Variants in ELAC2 observed in about 807,000 individuals in gnomAD.
ELAC2 encodes elaC ribonuclease Z 2, also known as zinc phosphodiesterase ELAC protein 2.
Under a neutral mutation model 105.2 loss-of-function variants are expected in ELAC2, and 92 were observed. The observed-to-expected ratio is 0.87, with a 90% confidence interval of 0.74 to 1.04. The LOEUF (loss-of-function observed/expected upper bound fraction) is 1.04, where lower values mean the gene tolerates loss of function less well. Ranked by LOEUF, ELAC2 falls within the 50% of genes least tolerant of loss-of-function variation. The pLI is 0.00. For synonymous variants in ELAC2, 468 were observed against 409.1 expected (o/e 1.14, Z -1.74); for missense variants, 1,099 against 1,071.7 (o/e 1.03, Z -0.36).
In ELAC2 at chr17:12,991,991, C is replaced by CAA. The variant is rs1031878596; in HGVS notation, c.*825_*826dup. 3.3e-5 allele frequency among the ~76,000 whole-genome samples: 5 copies of CAA among 152,176 alleles called. No individual in the cohort carries two copies. The highest frequency in any genetic ancestry group is 1.2e-4 in the African/African-American group (5 of 41,438). The stretch of plus-strand genomic sequence containing the variant: ...TGCCATTTCTCAAAACCTTCGAGGG[C>CAA]AAAGTGATCCTCACTCCTCTCAGTA... On this transcript the variant is annotated 3_prime_UTR_variant, in exon 24 of 24. Coordinates refer to ENST00000338034, the MANE Select transcript of ELAC2 (RefSeq NM_018127.7).
At position 12,996,685 on chromosome 17, in the gene ELAC2, G is replaced by A. The variant is rs772549996; in HGVS notation, c.1521C>T (p.Ser507=). 5.6e-6 allele frequency: 9 copies of A among 1,613,158 alleles called. No homozygotes were observed. Among genetic ancestry groups the A allele is most frequent in the Middle Eastern group, 1.7e-4 (1 of 6,048 alleles). Reference sequence around the variant, plus strand: ...AGTCCAGTAGCAGAGACGTGTCGGGGCTGCAGAAGAGAAGAGGAAGAGAGT... The same window carrying A: ...AGTCCAGTAGCAGAGACGTGTCGGGACTGCAGAAGAGAAGAGGAAGAGAGT... The part of the protein sequence containing the change: ...RNVSATLVNI[S]PDTSLLLDCG... The change falls in exon 17 of 24, where the codon AGC becomes AGT. Residue 507 remains serine (S), a splice_region_variant and synonymous_variant. Coordinates refer to ENST00000338034, the MANE Select transcript of ELAC2 (RefSeq NM_018127.7).
rs113800726 is a variant in ELAC2 at position 12,992,689 on chromosome 17, A to G, written c.*129T>C. On this transcript the variant is annotated 3_prime_UTR_variant, in exon 24 of 24. Coordinates refer to ENST00000338034, the MANE Select transcript of ELAC2 (RefSeq NM_018127.7). ...GGAGCCCAAGCCTCGGCACAGCTCC[A>G]TACCACCTATCCTGAGCTGCCTCCT... The G allele has an allele frequency of 1.8e-4, 202 of 1,121,798 alleles. 1 individual carries two copies. In the African/African-American group the frequency reaches 2.6e-3, roughly 15 times the overall value. The allele number at this position is 1,121,798 out of a possible 1,614,324, so 69.5% of individuals were successfully genotyped here.
At position 13,015,979 on chromosome 17, in the gene ELAC2, G is replaced by C. The variant is rs942638152; in HGVS notation, c.368-147C>G. 9.9e-6 allele frequency: 7 copies of C among 709,726 alleles called. No individual in the cohort carries two copies. In the African/African-American group the frequency reaches 1.2e-4, roughly 12 times the overall value. The allele number at this position is 709,726 out of a possible 1,614,324, so 44.0% of individuals were successfully genotyped here. A position where few individuals can be genotyped will look rare whatever the true frequency, so the allele number is the denominator to read the frequency against. Reference sequence around the variant, plus strand: ...ACCAGGGAAGATGTACAGAGCAGAAGTGATGCCAGCTAGAGGTGTAACAGA... The same window carrying C: ...ACCAGGGAAGATGTACAGAGCAGAACTGATGCCAGCTAGAGGTGTAACAGA... On this transcript the variant is annotated intron_variant, in intron 3 of 23. Coordinates refer to ENST00000338034, the MANE Select transcript of ELAC2 (RefSeq NM_018127.7).
At chr17:13,001,512 TAAAA>T (rs1567753313) in intron 14 of ELAC2, among the ~76,000 whole-genome samples, 1 of 151,190 alleles carries the variant, frequency 6.6e-6, no homozygotes, top group East Asian at 2.0e-4. Context: ...AATAAATAAA[TAAAA>T]TAAATAAATT....
Position 12,998,660 on chromosome 17 carries a change from G to A in ELAC2, c.1424-152C>T, listed in dbSNP as rs572343985. On this transcript the variant is annotated intron_variant, in intron 15 of 23. Coordinates refer to ENST00000338034, the MANE Select transcript of ELAC2 (RefSeq NM_018127.7). ...CCCTAGTATGGCGGTTTTGGGAGGC[G>A]GGGCCTAGTGGAAGGCGTTTGGGCT... is the stretch of plus-strand genomic sequence containing the variant. 4.0e-5 allele frequency: 30 copies of A among 751,838 alleles called. 1 individual carries two copies. The highest frequency in any genetic ancestry group is 3.5e-4 in the South Asian group (23 of 66,554). The allele number at this position is 751,838 out of a possible 1,614,324, so 46.6% of individuals were successfully genotyped here.
At chr17:13,015,863 A>C in intron 3 of ELAC2, 31 bp from the exon 4 acceptor site, 4 of 1,583,098 alleles carry the variant, frequency 2.5e-6, no homozygotes, top group Non-Finnish European at 3.5e-6. Flanking sequence ...CAGATCTCTC[A>C]TCAATTTGAC....
chr17:12,996,603 C>A lies in ELAC2; in HGVS notation c.1603G>T (p.Val535Phe). 5 of 1,614,072 alleles carry A rather than the reference C, an allele frequency of 3.1e-6. No individual in the cohort carries two copies. The South Asian group carries it at 4.4e-5, about 14-fold the overall frequency. Reference sequence around the variant, plus strand: ...AACACAGCAGCCAGGGTGCCCAGGACCCTGTCCACCTGGTCTCCGTAATGA... The same window carrying A: ...AACACAGCAGCCAGGGTGCCCAGGAACCTGTCCACCTGGTCTCCGTAATGA... Reference protein sequence around the residue: ...CRHYGDQVDRVLGTLAAVFVS... With the variant: ...CRHYGDQVDRFLGTLAAVFVS... Residue 535 changes from valine to phenylalanine, a missense_variant, in exon 17 of 24, where the codon GTC becomes TTC. Coordinates refer to ENST00000338034, the MANE Select transcript of ELAC2 (RefSeq NM_018127.7).
intron 19 of ELAC2, 115 bp from the exon 20 acceptor site, chr17:12,995,177 T>A: frequency 1.8e-6 from 2 of 1,092,614 alleles, no homozygotes; most frequent in Non-Finnish European, 2.8e-6. Context: ...AAACATGAGT[T>A]AAATCATAGT....
intron 3 of ELAC2, 97 bp downstream of exon 3, chr17:13,016,765 A>C (rs1211061535): frequency 8.2e-7 from 1 of 1,217,452 alleles, no homozygotes; most frequent in African/African-American, 1.6e-5. Flanking sequence ...AAAAAAAAAA[A>C]AAGTAGCTGC....
In ELAC2 at chr17:12,996,672, G is replaced by C; in HGVS notation, c.1534C>G (p.Leu512Val). The change falls in exon 17 of 24, where the codon CTG becomes GTG. Residue 512 changes from leucine (L) to valine (V), a missense_variant. Leu to Val is a conservative substitution (Grantham distance 32). Transcript: ENST00000338034. ...TLVNISPDTS[L>V]LLDCGEGTFG... ...GTGCCCTCACCACAGTCCAGTAGCA[G>C]AGACGTGTCGGGGCTGCAGAAGAGA... 1 of 1,613,760 alleles carries C rather than the reference G, an allele frequency of 6.2e-7. No individual in the cohort carries two copies. The highest frequency in any genetic ancestry group is 8.5e-7 in the Non-Finnish European group (1 of 1,179,946).
At chr17:12,997,035 T>C (rs1033251151) in intron 16 of ELAC2, among the ~76,000 whole-genome samples, 1 of 152,134 alleles carries the variant, frequency 6.6e-6, no homozygotes, top group Non-Finnish European at 1.5e-5. Flanking sequence ...ACAGCCTCTG[T>C]TGAAAATACC....
At chr17:13,016,747 A>C (rs1235110762) in intron 3 of ELAC2, 115 bp downstream of exon 3, 10 of 332,588 alleles carry the variant, frequency 3.0e-5, no homozygotes, top group African/African-American at 5.2e-5. Context: ...GCCACTGACA[A>C]AAAAAAAAAA....
chr17:13,016,842 A>G lies in ELAC2; in HGVS notation c.367+20T>C, dbSNP rs992049056. The G allele has an allele frequency of 6.2e-7, 1 of 1,613,182 alleles. No homozygotes were observed. The highest frequency in any genetic ancestry group is 1.3e-5 in the African/African-American group (1 of 74,818). ...CAGAGACTTCCCACCAGCCTCTGAC[A>G]CTGCAAAGAATATACTCACCACTTA... On this transcript the variant is annotated intron_variant, in intron 3 of 23. Coordinates refer to ENST00000338034, the MANE Select transcript of ELAC2 (RefSeq NM_018127.7).
At chr17:13,007,546 C>T (rs540345120) in intron 8 of ELAC2, among the ~76,000 whole-genome samples, 11 of 152,290 alleles carry the variant, frequency 7.2e-5, no homozygotes, top group Admixed American at 2.0e-4. Flanking sequence ...CACACCCAAA[C>T]GGGTTTGAGG....
rs781676615 is a variant in ELAC2, at chr17:13,016,910, T to C, written c.319A>G (p.Asn107Asp). 37 of 1,614,030 alleles carry C rather than the reference T, an allele frequency of 2.3e-5. No individual in the cohort carries two copies. The highest frequency in any genetic ancestry group is 3.3e-5 in the Admixed American group (2 of 59,986). ...EHKLKVARLDNIFLTRMHWSN... is the reference protein window; with the variant it reads ...EHKLKVARLDDIFLTRMHWSN... ...CAGTGCATTCGTGTCAGGAATATGT[T>C]GTCCAGGCGAGCAACCTTTAACCTA... The change falls in exon 3 of 24, where the codon AAC becomes GAC. Residue 107 changes from asparagine (N) to aspartate (D), a missense_variant. Coordinates refer to ENST00000338034, the MANE Select transcript of ELAC2 (RefSeq NM_018127.7).
At chr17:12,994,908 T>C (rs1168748322) in intron 20 of ELAC2, 24 bp from the exon 21 acceptor site, 2 of 1,614,078 alleles carry the variant, frequency 1.2e-6, no homozygotes, top group Admixed American at 3.3e-5. Context: ...GCTGGAGGGC[T>C]CTGCAGCTCT....
chr17:13,011,085 C>T (rs931203091), intron 7 of ELAC2, among the ~76,000 whole-genome samples: 4 of 152,220 alleles, frequency 2.6e-5, no homozygotes, highest in African/African-American at 9.6e-5. Flanking sequence ...AAGGACAGCA[C>T]ATAGGGGTCA....
chr17:13,014,919 C>T (rs999343664), intron 4 of ELAC2, among the ~76,000 whole-genome samples: 3 of 152,272 alleles, frequency 2.0e-5, no homozygotes, highest in Non-Finnish European at 4.4e-5. Flanking sequence ...AGAGGGAACC[C>T]GCGGAAGGGC....
rs1567733661 is a variant in ELAC2, at chr17:12,991,760, C to A, written c.*1058G>T. 1 of 213,074 alleles carries A rather than the reference C, an allele frequency of 4.7e-6. No individual in the cohort carries two copies. The highest frequency in any genetic ancestry group is 9.5e-6 in the Non-Finnish European group (1 of 105,200). 13.2% of individuals were successfully genotyped at this position (213,074 alleles called of 1,614,324 possible). A position where few individuals can be genotyped will look rare whatever the true frequency, so the allele number is the denominator to read the frequency against. On this transcript the variant is annotated 3_prime_UTR_variant, in exon 24 of 24. Transcript: ENST00000338034. ...GTGTAAAGCCAGGTCCCTGGCTGAT[C>A]TCTCGCTTGCTTGTCTTTTGAGTTT...
Sources: gnomAD v4.1 joint callset for allele counts (sites outside exome capture counted in the v4.1 genomes callset) on GRCh38, gnomAD v4.1.1 for gene constraint, MANE v1.5 for transcripts, NCBI Gene and HGNC (gene_info 2026-07-23, HGNC 2026-07-21) for gene names.